The following SH3BGRL variants were observed in gnomAD, a reference collection of about 807,000 sequenced individuals.
SH3BGRL encodes adapter SH3BGRL.
Under a neutral mutation model 9.8 loss-of-function variants are expected in SH3BGRL, and 7 were observed. The ratio of observed to expected loss-of-function variants is 0.72; its 90% confidence interval spans 0.41 to 1.35. The LOEUF is 1.35. Among genes scored for constraint, SH3BGRL ranks in the 40% most tolerant of loss-of-function variants. SH3BGRL has a pLI of 0.01. For synonymous variants in SH3BGRL, 36 were observed against 29.1 expected (o/e 1.24, Z -0.76); for missense variants, 73 against 84.4 (o/e 0.86, Z 0.53).
At chrX:81,223,406 T>C (rs2075606716) in intron 1 of SH3BGRL, among the ~76,000 whole-genome samples, 1 of 111,502 alleles carries the variant, frequency 9.0e-6, no homozygotes, top group Non-Finnish European at 1.9e-5. Flanking sequence ...ATACAATACA[T>C]GGAGAGCCAG....
chrX:81,234,876 G>A (rs1174771505), intron 1 of SH3BGRL, among the ~76,000 whole-genome samples: 1 of 111,957 alleles, frequency 8.9e-6, no homozygotes, highest in Non-Finnish European at 1.9e-5. Flanking sequence ...TTATTGTGGA[G>A]ATTTATGAGC....
In SH3BGRL at chrX:81,251,148, C is replaced by T. The variant is rs368913417; in HGVS notation, c.46-25836C>T. Among the ~76,000 whole-genome samples the T allele has an allele frequency of 3.1e-4, 35 of 111,768 alleles. No homozygotes were observed. The East Asian group carries it at 8.4e-3, about 27-fold the overall frequency. On this transcript the variant is annotated intron_variant, in intron 1 of 3. Coordinates refer to ENST00000373212, the MANE Select transcript of SH3BGRL (RefSeq NM_003022.3). ...TCTGAGACGTTTTATGAAAATTACT[C>T]GTATTTTAATGGATTTTATGCAATA...
chrX:81,209,002 G>GT (rs11322797), intron 1 of SH3BGRL, among the ~76,000 whole-genome samples: 102 of 54,592 alleles, frequency 1.9e-3, no homozygotes, highest in African/African-American at 5.0e-3. Context: ...GCATAACTAA[G>GT]TTTTTTTTTT....
intron 1 of SH3BGRL, among the ~76,000 whole-genome samples, chrX:81,250,169 G>C (rs1369390971): frequency 9.2e-6 from 1 of 109,239 alleles, no homozygotes; most frequent in African/African-American, 3.3e-5. Context: ...GGGAGGCCGA[G>C]GTGGGTGGAT....
intron 1 of SH3BGRL, among the ~76,000 whole-genome samples, chrX:81,275,837 A>G (rs192410804): frequency 8.9e-6 from 1 of 111,954 alleles, no homozygotes. Context: ...GAGAGAGAAA[A>G]TTATTTAATC....
chrX:81,231,740 A>T (rs1354569569), intron 1 of SH3BGRL, among the ~76,000 whole-genome samples: 1 of 112,293 alleles, frequency 8.9e-6, no homozygotes, highest in East Asian at 2.8e-4. Context: ...GAGCTCAGTC[A>T]GCTTACTCAG....
In SH3BGRL at chrX:81,225,668, C is replaced by T. The variant is rs771502178; in HGVS notation, c.45+23423C>T. Among the ~76,000 whole-genome samples the T allele has an allele frequency of 8.1e-5, 9 of 111,192 alleles. No individual in the cohort carries two copies. In the South Asian group the frequency reaches 3.0e-3, roughly 37 times the overall value. On this transcript the variant is annotated intron_variant, in intron 1 of 3. Coordinates refer to ENST00000373212, the MANE Select transcript of SH3BGRL (RefSeq NM_003022.3). The stretch of plus-strand genomic sequence containing the variant: ...TTATCCAATCATCCACTGATGGACA[C>T]GGGTTGATTCTGTGACTTGGCTATT...
At chrX:81,293,900 G>T (rs1363172470) in intron 3 of SH3BGRL, among the ~76,000 whole-genome samples, 1 of 111,919 alleles carries the variant, frequency 8.9e-6, no homozygotes, top group South Asian at 3.7e-4. Context: ...CTGGAGCAAG[G>T]TGATTCTTGA....
intron 3 of SH3BGRL, among the ~76,000 whole-genome samples, chrX:81,286,467 C>T (rs2075834137): frequency 2.5e-5 from 2 of 78,995 alleles, no homozygotes; most frequent in Admixed American, 2.0e-4. Context: ...TGTTCATAAA[C>T]TTAGCTGTGG....
intron 1 of SH3BGRL, among the ~76,000 whole-genome samples, chrX:81,218,637 A>G (rs1210914144): frequency 9.4e-6 from 1 of 105,939 alleles, no homozygotes; most frequent in Non-Finnish European, 1.9e-5. Flanking sequence ...CAGGTTTTAT[A>G]CATCTATATC....
chrX:81,222,783 C>G (rs2075604207), intron 1 of SH3BGRL, among the ~76,000 whole-genome samples: 1 of 111,479 alleles, frequency 9.0e-6, no homozygotes, highest in Non-Finnish European at 1.9e-5. Flanking sequence ...TTTTACAGTC[C>G]CACCAACAGT....
At chrX:81,207,988 G>T (rs2075552307) in intron 1 of SH3BGRL, among the ~76,000 whole-genome samples, 1 of 111,916 alleles carries the variant, frequency 8.9e-6, no homozygotes, top group African/African-American at 3.3e-5. Context: ...CGGGCACGGT[G>T]GCTCACATCT....
At chrX:81,204,443 A>G (rs991929578) in intron 1 of SH3BGRL, among the ~76,000 whole-genome samples, 2 of 111,681 alleles carry the variant, frequency 1.8e-5, no homozygotes, top group African/African-American at 6.5e-5. Context: ...GAAAGTTTTG[A>G]GCAAATATCC....
chrX:81,267,299 A>G (rs981212379), intron 1 of SH3BGRL, among the ~76,000 whole-genome samples: 1 of 111,948 alleles, frequency 8.9e-6, no homozygotes, highest in African/African-American at 3.3e-5. Flanking sequence ...TTCAAAGGGA[A>G]TGCTTCCAGT....
intron 1 of SH3BGRL, among the ~76,000 whole-genome samples, chrX:81,262,699 G>C: frequency 8.9e-6 from 1 of 112,301 alleles, no homozygotes. Flanking sequence ...CCACTATGAG[G>C]TAAGATGTTA....
chrX:81,230,217 G>A (rs1266093542), intron 1 of SH3BGRL, among the ~76,000 whole-genome samples: 2 of 112,214 alleles, frequency 1.8e-5, no homozygotes, highest in Non-Finnish European at 3.8e-5. Context: ...CATCTTCTAT[G>A]TGCTTGACTT....
chrX:81,237,162 AT>A, intron 1 of SH3BGRL: 1 of 566,773 alleles, frequency 1.8e-6, no homozygotes, highest in Non-Finnish European at 2.6e-6. Context: ...TCCACCAATC[AT>A]CCCCTTCACA....
At chrX:81,271,068 G>T (rs2075777516) in intron 1 of SH3BGRL, among the ~76,000 whole-genome samples, 3 of 112,379 alleles carry the variant, frequency 2.7e-5, no homozygotes, top group Non-Finnish European at 3.8e-5. Context: ...CATGGGAGGG[G>T]ATCTCCTGGT....
rs1279521328 is a variant in SH3BGRL, at chrX:81,283,008, A to G, written c.312+4597A>G. On this transcript the variant is annotated intron_variant, in intron 3 of 3. Coordinates refer to ENST00000373212, the MANE Select transcript of SH3BGRL (RefSeq NM_003022.3). Reference sequence around the variant, plus strand: ...AAATATTATAACTGACACCACTGAAATACATAAGATCATTCAAGGCTAATA... The same window carrying G: ...AAATATTATAACTGACACCACTGAAGTACATAAGATCATTCAAGGCTAATA... 3.6e-5 allele frequency among the ~76,000 whole-genome samples: 4 copies of G among 112,269 alleles called. No homozygotes were observed. The East Asian group carries it at 1.1e-3, about 31-fold the overall frequency.
Sources: gnomAD v4.1 joint callset for allele counts (sites outside exome capture counted in the v4.1 genomes callset) on GRCh38, gnomAD v4.1.1 for gene constraint, MANE v1.5 for transcripts, NCBI Gene and HGNC (gene_info 2026-07-23, HGNC 2026-07-21) for gene names.